SLC8A1: variants seen among roughly 807,000 people sequenced by gnomAD.
SLC8A1 encodes solute carrier family 8 member A1, also known as sodium/calcium exchanger 1.
Under a neutral mutation model 68.3 loss-of-function variants are expected in SLC8A1, and 18 were observed. The observed-to-expected ratio is 0.26, with a 90% CI of 0.18 to 0.39. The LOEUF (loss-of-function observed/expected upper bound fraction) is 0.39, where lower values mean the gene tolerates loss of function less well. Among genes scored for constraint, SLC8A1 ranks in the 10% least tolerant of loss-of-function variants. The probability of loss-of-function intolerance (pLI) is 1.00; values close to 1 mark genes in which losing one functional copy is unlikely to be tolerated. For synonymous variants in SLC8A1, 475 were observed against 415.5 expected (o/e 1.14, Z -1.74); for missense variants, 985 against 1,156.7 (o/e 0.85, Z 2.15).
At chr2:40,287,616 G>GTGTGTGTGTGTGTGTGTGTGTGCA in intron 2 of SLC8A1, among the ~76,000 whole-genome samples, 1 of 149,306 alleles carries the variant, frequency 6.7e-6, no homozygotes, top group South Asian at 2.1e-4. Flanking sequence ...GTGTGTGTGT[G>GTGTGTGTGTGTGTGTGTGTGTGCA]TGTGCATGCA....
intron 7 of SLC8A1, among the ~76,000 whole-genome samples, chr2:40,125,065 G>A (rs753502209): frequency 3.3e-5 from 5 of 152,190 alleles, no homozygotes; most frequent in Non-Finnish European, 7.4e-5. Flanking sequence ...TTTACAAAGA[G>A]CATGTATTGT....
Position 40,248,457 on chromosome 2 carries a change from G to T in SLC8A1, c.1809-70602C>A, listed in dbSNP as rs151021736. On this transcript the variant is annotated intron_variant, in intron 2 of 7. Transcript: ENST00000406785. ...ACACCACCTGCAGGCACAGCGAAAA[G>T]ATGGCTGTCTATGAATCAGGAAATT... Among the ~76,000 whole-genome samples the T allele has an allele frequency of 4.3e-3, 654 of 152,256 alleles. 6 individuals are homozygous for T. Among genetic ancestry groups the T allele is most frequent in the African/African-American group, 0.015 (628 of 41,556 alleles).
At chr2:40,258,193 C>T (rs2064199302) in intron 2 of SLC8A1, among the ~76,000 whole-genome samples, 1 of 152,168 alleles carries the variant, frequency 6.6e-6, no homozygotes, top group South Asian at 2.1e-4. Flanking sequence ...CCCTTGGCTT[C>T]CCTGACTGCC....
At chr2:40,399,910 G>A (rs59642919) in intron 2 of SLC8A1, among the ~76,000 whole-genome samples, 8 of 152,254 alleles carry the variant, frequency 5.3e-5, no homozygotes, top group South Asian at 2.1e-4. Context: ...CAGACCGCCC[G>A]GCGCCACACC....
chr2:40,249,460 C>G (rs182375249), intron 2 of SLC8A1, among the ~76,000 whole-genome samples: 1 of 152,180 alleles, frequency 6.6e-6, no homozygotes, highest in African/African-American at 2.4e-5. Context: ...TTTCCACTTT[C>G]TGTAATATTT....
chr2:40,400,092 A>G (rs934668288), intron 2 of SLC8A1, among the ~76,000 whole-genome samples: 1 of 151,868 alleles, frequency 6.6e-6, no homozygotes, highest in African/African-American at 2.4e-5. Context: ...ATCGATCACG[A>G]CCCTCTCGCG....
intron 2 of SLC8A1, among the ~76,000 whole-genome samples, chr2:40,209,503 T>A (rs978241925): frequency 6.6e-6 from 1 of 151,956 alleles, no homozygotes; most frequent in Non-Finnish European, 1.5e-5. Context: ...CTGAGGGAAA[T>A]AGGGAGCCAC....
In SLC8A1 at chr2:40,429,365, C is replaced by A. The variant is rs758440605; in HGVS notation, c.916G>T (p.Gly306Cys). 2 of 1,613,848 alleles carry A rather than the reference C, an allele frequency of 1.2e-6. No homozygotes were observed. Among genetic ancestry groups the A allele is most frequent in the Non-Finnish European group, 1.7e-6 (2 of 1,179,920 alleles). The change falls in exon 2 of 8, where the codon GGT (glycine) becomes TGT (cysteine). Residue 306 changes from glycine (G) to cysteine (C), a missense_variant. Gly to Cys is a radical substitution (Grantham distance 159). Transcript: ENST00000406785. ...TCATCCACCTCCAGAACCAGAGCAC[C>A]ATCTAAGAAATTTTCAACATGAGAA...
At chr2:40,321,397 C>T (rs1180106130) in intron 2 of SLC8A1, among the ~76,000 whole-genome samples, 1 of 152,080 alleles carries the variant, frequency 6.6e-6, no homozygotes, top group Non-Finnish European at 1.5e-5. Flanking sequence ...GATTTGCATG[C>T]TAAGGCAGAC....
At chr2:40,129,442 C>T (rs1423853435) in intron 7 of SLC8A1, among the ~76,000 whole-genome samples, 1 of 152,066 alleles carries the variant, frequency 6.6e-6, no homozygotes. Flanking sequence ...CTCTATGTTG[C>T]CCAGGCTCAT....
At chr2:40,271,862 TTTTA>T (rs1289509075) in intron 2 of SLC8A1, among the ~76,000 whole-genome samples, 1 of 151,954 alleles carries the variant, frequency 6.6e-6, no homozygotes, top group African/African-American at 2.4e-5. Context: ...ATTTTTATTA[TTTTA>T]TTTATTTATT....
chr2:40,188,962 A>C (rs2051228655), intron 2 of SLC8A1, among the ~76,000 whole-genome samples: 1 of 152,220 alleles, frequency 6.6e-6, no homozygotes, highest in African/African-American at 2.4e-5. Flanking sequence ...TTTTAATTTT[A>C]TGTCTAATAT....
intron 1 of SLC8A1, among the ~76,000 whole-genome samples, chr2:40,500,273 T>C (rs963878218): frequency 2.6e-5 from 4 of 152,108 alleles, no homozygotes; most frequent in African/African-American, 9.6e-5. Flanking sequence ...ACTCTATCTA[T>C]GGACCATACC....
At chr2:40,132,760 A>C (rs191980938) in intron 7 of SLC8A1, among the ~76,000 whole-genome samples, 1 of 148,306 alleles carries the variant, frequency 6.7e-6, no homozygotes, top group African/African-American at 2.5e-5. Context: ...TAAGCGTCAA[A>C]AAAAATAAAG....
chr2:40,472,788 AC>A (rs1388212247), intron 1 of SLC8A1, among the ~76,000 whole-genome samples: 1 of 152,182 alleles, frequency 6.6e-6, no homozygotes, highest in African/African-American at 2.4e-5. Flanking sequence ...TGGAATCTAA[AC>A]TTACGGATTA....
intron 7 of SLC8A1, among the ~76,000 whole-genome samples, chr2:40,122,868 A>C (rs2037229639): frequency 6.6e-6 from 1 of 152,194 alleles, no homozygotes; most frequent in African/African-American, 2.4e-5. Flanking sequence ...TTTGCACTTT[A>C]TGGAGGTGCC....
intron 1 of SLC8A1, among the ~76,000 whole-genome samples, chr2:40,504,502 A>T (rs574771191): frequency 6.6e-6 from 1 of 152,062 alleles, no homozygotes; most frequent in African/African-American, 2.4e-5. Context: ...AAATAATACA[A>T]TCAACAAAGT....
chr2:40,227,909 C>T (rs1478007838), intron 2 of SLC8A1, among the ~76,000 whole-genome samples: 1 of 152,054 alleles, frequency 6.6e-6, no homozygotes, highest in Non-Finnish European at 1.5e-5. Flanking sequence ...GAGCTACTCC[C>T]TGTCTTCAAA....
intron 2 of SLC8A1, among the ~76,000 whole-genome samples, chr2:40,201,186 T>TA (rs996420359): frequency 1.3e-5 from 2 of 151,876 alleles, no homozygotes; most frequent in Non-Finnish European, 2.9e-5. Context: ...TTATGTAAGA[T>TA]AAATGCCACC....
Sources: allele counts gnomAD v4.1 joint callset (sites outside exome capture counted in the v4.1 genomes callset), GRCh38; gene constraint gnomAD v4.1.1; transcripts MANE v1.5; gene names NCBI Gene and HGNC (gene_info 2026-07-23, HGNC 2026-07-21).